The following STEAP1B variants were observed in gnomAD, a reference collection of about 807,000 sequenced individuals.
The protein encoded by STEAP1B is STEAP family member 1B, also known as STEAP family protein MGC87042.
In STEAP1B, 13 loss-of-function variants were observed where a neutral mutation model predicts 27.9. The ratio of observed to expected loss-of-function variants is 0.47; its 90% CI spans 0.30 to 0.74. The LOEUF is 0.74. STEAP1B is among the 30% of genes least tolerant of loss of function. STEAP1B has a pLI of 0.06. For missense variants in STEAP1B, 250 were observed against 298.7 expected, an observed-to-expected ratio of 0.84 and a Z score of 1.20; for synonymous variants, 86 against 107.1, an observed-to-expected ratio of 0.80 and a Z score of 1.22.
intron 4 of STEAP1B, chr7:22,438,530 T>C: frequency 6.4e-7 from 1 of 1,551,314 alleles, no homozygotes; most frequent in Non-Finnish European, 8.7e-7. Flanking sequence ...TCTTTTTTAT[T>C]GAGATTTTCT....
At chr7:22,463,003 T>A (rs13237951) in intron 4 of STEAP1B, among the ~76,000 whole-genome samples, 4 of 130,838 alleles carry the variant, frequency 3.1e-5, no homozygotes, top group African/African-American at 1.1e-4. Flanking sequence ...CATTTTTTCA[T>A]GTGTTTTTTG....
chr7:22,493,373 G>A lies in STEAP1B; in HGVS notation c.548C>T (p.Ala183Val), dbSNP rs746904237. 6.2e-7 allele frequency: 1 copy of A among 1,614,172 alleles called. No homozygotes were observed. The highest frequency in any genetic ancestry group is 8.5e-7 in the Non-Finnish European group (1 of 1,180,024). Residue 183 changes from alanine (A) to valine (V), a missense_variant, in exon 3 of 5, where the codon GCA becomes GTA. By Grantham distance (64) the Ala-to-Val change is moderately conservative (BLOSUM62 0). Coordinates refer to ENST00000678116, the MANE Select transcript of STEAP1B (RefSeq NM_001382447.1). ...CTTGTATCTGTAGGATCGCCTCATT[G>A]CGTAAGACAGAGTATAAATTGCATG... The part of the protein sequence containing the change: ...VLHAIYTLSY[A>V]MRRSYRYKLL...
intron 4 of STEAP1B, among the ~76,000 whole-genome samples, chr7:22,428,213 C>G (rs770770143): frequency 2.6e-5 from 4 of 152,202 alleles, no homozygotes; most frequent in Non-Finnish European, 4.4e-5. Context: ...ATGGGTGCTT[C>G]TGTCCTGGGG....
intron 1 of STEAP1B, 131 bp downstream of exon 1, chr7:22,499,983 C>T (rs1048255001): frequency 6.6e-6 from 1 of 152,462 alleles, no homozygotes; most frequent in African/African-American, 2.4e-5. Flanking sequence ...GGAGGGCCGC[C>T]GTCCAGGTCA....
At chr7:22,459,973 G>A (rs1041024242) in intron 4 of STEAP1B, among the ~76,000 whole-genome samples, 6 of 152,202 alleles carry the variant, frequency 3.9e-5, no homozygotes, top group South Asian at 4.1e-4. Flanking sequence ...ACGTGTAGCC[G>A]TTTAGGTCCA....
rs116536513 is a variant in STEAP1B, at chr7:22,427,764, G to A, written c.763-7928C>T. ...TAATAAATGTACCTTTGAGAGGCTCGATCCAACTAATGTTCAATCTTTGAA... is the reference window on the plus strand; with the variant it reads ...TAATAAATGTACCTTTGAGAGGCTCAATCCAACTAATGTTCAATCTTTGAA... On this transcript the variant is annotated intron_variant, in intron 4 of 4. Transcript: ENST00000678116. Among the ~76,000 whole-genome samples the A allele has an allele frequency of 4.5e-3, 680 of 152,262 alleles. 3 individuals carry two copies. Among genetic ancestry groups the A allele is most frequent in the African/African-American group, 0.016 (656 of 41,540 alleles).
chr7:22,443,476 G>T (rs994029161), intron 4 of STEAP1B, among the ~76,000 whole-genome samples: 6 of 152,200 alleles, frequency 3.9e-5, no homozygotes, highest in African/African-American at 1.4e-4. Flanking sequence ...CTTGTAAAAT[G>T]AAAGACCATG....
At chr7:22,486,474 C>T (rs1321034038) in intron 4 of STEAP1B, among the ~76,000 whole-genome samples, 8 of 152,114 alleles carry the variant, frequency 5.3e-5, no homozygotes, top group Admixed American at 3.9e-4. Flanking sequence ...CTGGCTTTGT[C>T]GCCTTAAACT....
intron 4 of STEAP1B, among the ~76,000 whole-genome samples, chr7:22,452,953 G>C (rs1785515021): frequency 6.6e-6 from 1 of 152,182 alleles, no homozygotes; most frequent in African/African-American, 2.4e-5. Flanking sequence ...CCCAAGAAGA[G>C]TAGGAAGGCA....
intron 4 of STEAP1B, among the ~76,000 whole-genome samples, chr7:22,432,466 C>G (rs1039357501): frequency 7.2e-5 from 11 of 152,170 alleles, no homozygotes; most frequent in South Asian, 2.1e-4. Flanking sequence ...GTCCCAGCTA[C>G]TTGGGAGGCT....
chr7:22,431,761 G>C (rs770599319), intron 4 of STEAP1B, among the ~76,000 whole-genome samples: 13 of 152,216 alleles, frequency 8.5e-5, no homozygotes, highest in Non-Finnish European at 1.8e-4. Flanking sequence ...TCCCCAGCTG[G>C]CTCCTTGCCT....
chr7:22,421,518 CA>C (rs1357317742), intron 4 of STEAP1B, among the ~76,000 whole-genome samples: 4 of 152,214 alleles, frequency 2.6e-5, no homozygotes, highest in Non-Finnish European at 5.9e-5. Context: ...GTCTGCAAGG[CA>C]GCAGAGTTAG....
intron 4 of STEAP1B, among the ~76,000 whole-genome samples, chr7:22,471,318 G>A (rs1335642762): frequency 1.3e-5 from 2 of 152,208 alleles, no homozygotes; most frequent in East Asian, 1.9e-4. Context: ...GAGTTGCAAG[G>A]CCTGGTGTTA....
intron 1 of STEAP1B, 144 bp from the exon 2 acceptor site, chr7:22,495,030 A>C: frequency 2.2e-6 from 1 of 461,626 alleles, no homozygotes; most frequent in Non-Finnish European, 3.9e-6. Context: ...TGATTTATAC[A>C]TTTAACTTCA....
chr7:22,428,222 G>C lies in STEAP1B; in HGVS notation c.763-8386C>G, dbSNP rs1785133477. 2.0e-5 allele frequency among the ~76,000 whole-genome samples: 3 copies of C among 152,156 alleles called. No homozygotes were observed. The South Asian group carries it at 6.2e-4, about 32-fold the overall frequency. On this transcript the variant is annotated intron_variant, in intron 4 of 4. Transcript: ENST00000678116. ...GAAGGAATGGGTGCTTCTGTCCTGGGGGTGCTGAGAGAGTGTCTAGGGAGC... is the reference window on the plus strand; with the variant it reads ...GAAGGAATGGGTGCTTCTGTCCTGGCGGTGCTGAGAGAGTGTCTAGGGAGC...
rs570672491 is a variant in STEAP1B, at chr7:22,457,954, G to T, written c.762+34611C>A. Among the ~76,000 whole-genome samples, 105 of 152,300 alleles carry T rather than the reference G, an allele frequency of 6.9e-4. 1 individual carries two copies. The highest frequency in any genetic ancestry group is 1.3e-3 in the Non-Finnish European group (91 of 68,022). ...CAAAAAACCCCAACAGGATAAACCA[G>T]CTCTCCCACCATTTCCCATCCCAGC... On this transcript the variant is annotated intron_variant, in intron 4 of 4. Coordinates refer to ENST00000678116, the MANE Select transcript of STEAP1B (RefSeq NM_001382447.1).
Position 22,454,867 on chromosome 7 carries a change from T to TATA in STEAP1B, c.763-35032_763-35031insTAT, listed in dbSNP as rs61022376. On this transcript the variant is annotated intron_variant, in intron 4 of 4. Transcript: ENST00000678116. Reference sequence around the variant, plus strand: ...TATATATGTATATATATATATATATTTTTTTTTTTTTTTGAGACAGAGTCT... The same window carrying TATA: ...TATATATGTATATATATATATATATTATATTTTTTTTTTTTTGAGACAGAGTCT... Among the ~76,000 whole-genome samples, 19 of 69,938 alleles carry TATA rather than the reference T, an allele frequency of 2.7e-4. No homozygotes were observed. The South Asian group carries it at 6.3e-3, about 23-fold the overall frequency. 45.9% of individuals were successfully genotyped at this position (69,938 alleles called of 152,430 possible). A position where few individuals can be genotyped will look rare whatever the true frequency, so the allele number is the denominator to read the frequency against.
At chr7:22,453,819 C>T (rs1198940526) in intron 4 of STEAP1B, among the ~76,000 whole-genome samples, 1 of 152,022 alleles carries the variant, frequency 6.6e-6, no homozygotes, top group Non-Finnish European at 1.5e-5. Context: ...CAGTATATAC[C>T]CTTTTGTATC....
At position 22,479,356 on chromosome 7, in the gene STEAP1B, A is replaced by G. The variant is rs541008276; in HGVS notation, c.762+13209T>C. Among the ~76,000 whole-genome samples, 30 of 152,320 alleles carry G rather than the reference A, an allele frequency of 2.0e-4. No homozygotes were observed. In the South Asian group the frequency reaches 6.2e-3, roughly 32 times the overall value. On this transcript the variant is annotated intron_variant, in intron 4 of 4. Transcript: ENST00000678116. Reference sequence around the variant, plus strand: ...ATCCTCGCTGCCTGCCCTTAACAGAATCACATTATGCTGCATAGTATTTTA... The same window carrying G: ...ATCCTCGCTGCCTGCCCTTAACAGAGTCACATTATGCTGCATAGTATTTTA...
Sources: gnomAD v4.1 joint callset for allele counts (sites outside exome capture counted in the v4.1 genomes callset) on GRCh38, gnomAD v4.1.1 for gene constraint, MANE v1.5 for transcripts, NCBI Gene and HGNC (gene_info 2026-07-23, HGNC 2026-07-21) for gene names.